KIF17: variants seen among roughly 807,000 people sequenced by gnomAD.
The protein encoded by KIF17 is kinesin family member 17.
A neutral mutation model predicts 96.8 loss-of-function variants in KIF17; 80 were observed. The observed-to-expected ratio is 0.83, with a 90% confidence interval of 0.69 to 1.00. The LOEUF is 1.00. KIF17 is among the 50% of genes least tolerant of loss of function. The pLI, the probability that KIF17 is intolerant of heterozygous loss-of-function variation, is 0.00. For missense variants in KIF17, 1,280 were observed against 1,372.9 expected (o/e 0.93, Z 1.07); for synonymous variants, 567 against 587.5 (o/e 0.97, Z 0.51).
At chr1:20,713,985 G>C (rs150656985) in intron 2 of KIF17, among the ~76,000 whole-genome samples, 2,090 of 152,152 alleles carry the variant, frequency 0.014, 48 homozygotes, top group African/African-American at 0.047. Flanking sequence ...TCAGGAGTTC[G>C]AGACCAGCCT....
At chr1:20,694,696 A>G (rs1418895173) in intron 6 of KIF17, among the ~76,000 whole-genome samples, 1 of 152,244 alleles carries the variant, frequency 6.6e-6, no homozygotes, top group Non-Finnish European at 1.5e-5. Flanking sequence ...AATAATTCAG[A>G]TGTAACCACG....
intron 4 of KIF17, among the ~76,000 whole-genome samples, chr1:20,705,325 G>A (rs1215644731): frequency 6.6e-6 from 1 of 152,168 alleles, no homozygotes; most frequent in Non-Finnish European, 1.5e-5. Flanking sequence ...CTGCTTTGGA[G>A]ACTCCCAGAC....
chr1:20,710,359 G>C (rs1255241154), intron 3 of KIF17, among the ~76,000 whole-genome samples: 1 of 152,094 alleles, frequency 6.6e-6, no homozygotes, highest in African/African-American at 2.4e-5. Context: ...AGAACAACAG[G>C]AATATCCCCA....
rs532285704 is a variant in KIF17 at position 20,700,381 on chromosome 1, C to A, written c.1124-1893G>T. ...CCACTGCGCCCGGCCAGGCTGTAGC[C>A]AGTTTTGAAGGTGGAGATGGCAGGA... On this transcript the variant is annotated intron_variant, in intron 5 of 14. Transcript: ENST00000400463. This position sits in a 1 kb window ranked among gnomAD's most constrained non-coding sequence, Gnocchi z 4.6. 2.0e-4 allele frequency among the ~76,000 whole-genome samples: 30 copies of A among 152,052 alleles called. No homozygotes were observed. The highest frequency in any genetic ancestry group is 4.1e-4 in the Non-Finnish European group (28 of 68,018).
intron 11 of KIF17, among the ~76,000 whole-genome samples, chr1:20,674,234 A>AT (rs1384169171): frequency 6.6e-6 from 1 of 151,504 alleles, no homozygotes; most frequent in East Asian, 1.9e-4. Flanking sequence ...CAGCACGATA[A>AT]TTTTTGTGAC....
Position 20,682,771 on chromosome 1 carries a change from A to C in KIF17, c.2345T>G (p.Val782Gly), listed in dbSNP as rs762986160. 3 of 1,613,036 alleles carry C rather than the reference A, an allele frequency of 1.9e-6. No individual in the cohort carries two copies. The highest frequency in any genetic ancestry group is 2.5e-6 in the Non-Finnish European group (3 of 1,180,028). The stretch of plus-strand genomic sequence containing the variant: ...CTCATCCGAGTTCTGCAGGGCAGCC[A>C]CCAGCTGCTTCCTGCGCTCGTCTGC... The part of the protein sequence containing the change: ...RYADERRKQL[V>G]AALQNSDEDS... The change falls in exon 11 of 15, where the codon GTG becomes GGG. Residue 782 changes from valine to glycine, a missense_variant. Coordinates refer to ENST00000400463, the MANE Select transcript of KIF17 (RefSeq NM_001122819.3).
At chr1:20,693,575 G>A (rs2154536460) in intron 6 of KIF17, 1 of 152,088 alleles carries the variant, frequency 6.6e-6, no homozygotes, top group East Asian at 1.9e-4. Context: ...CTCCACCTTG[G>A]GAAGACATGC....
intron 6 of KIF17, among the ~76,000 whole-genome samples, chr1:20,695,137 C>CAT (rs397712096): frequency 1.4e-5 from 2 of 147,992 alleles, no homozygotes; most frequent in East Asian, 2.0e-4. Flanking sequence ...CGCACACACA[C>CAT]GCACACACAC....
chr1:20,673,533 A>ATTTTTTT (rs35306944), intron 11 of KIF17, among the ~76,000 whole-genome samples: 1 of 134,788 alleles, frequency 7.4e-6, no homozygotes, highest in African/African-American at 2.8e-5. Context: ...AGCCTGCTCC[A>ATTTTTTT]TTTTTTTTTT....
rs931342523 is a variant in KIF17, at chr1:20,684,994, G to A, written c.2046C>T (p.Ala682=). ...RPEVDLASEV[A]LEVVRTAEPG... The stretch of plus-strand genomic sequence containing the variant: ...GCTCTGCTGTCCGCACCACCTCTAA[G>A]GCCACTTCCGAGGCCAGATCTACCT... The change falls in exon 10 of 15, where the codon GCC becomes GCT. Residue 682 remains alanine, a synonymous_variant. Coordinates refer to ENST00000400463, the MANE Select transcript of KIF17 (RefSeq NM_001122819.3). The A allele has an allele frequency of 6.2e-6, 10 of 1,602,236 alleles. No individual in the cohort carries two copies. The highest frequency in any genetic ancestry group is 8.5e-6 in the Non-Finnish European group (10 of 1,174,622).
Position 20,717,875 on chromosome 1 carries a change from G to A in KIF17, c.-169C>T. ...GACCCCTCGGGGGGCGCCCCGGAGG[G>A]GAGCTGGGCGTCGCAGGACCCGAGC... On this transcript the variant is annotated 5_prime_UTR_variant, in exon 1 of 15. Coordinates refer to ENST00000400463, the MANE Select transcript of KIF17 (RefSeq NM_001122819.3). 2.6e-6 allele frequency: 1 copy of A among 388,396 alleles called. No homozygotes were observed. The highest frequency in any genetic ancestry group is 3.8e-6 in the Non-Finnish European group (1 of 261,648). 24.1% of individuals were successfully genotyped at this position (388,396 alleles called of 1,614,324 possible).
At chr1:20,717,414 G>A in intron 1 of KIF17, 62 bp downstream of exon 1, 6 of 1,582,136 alleles carry the variant, frequency 3.8e-6, no homozygotes, top group Non-Finnish European at 5.2e-6. Context: ...GCAGCCCCCT[G>A]GGGACTCTCG....
chr1:20,680,477 C>T (rs990043413), intron 11 of KIF17, among the ~76,000 whole-genome samples: 2 of 151,322 alleles, frequency 1.3e-5, no homozygotes, highest in East Asian at 2.0e-4. Flanking sequence ...TTTGGAAGGC[C>T]GAGGCGGGAG....
intron 11 of KIF17, among the ~76,000 whole-genome samples, chr1:20,681,348 C>T (rs879651564): frequency 1.3e-5 from 2 of 151,448 alleles, no homozygotes; most frequent in Non-Finnish European, 2.9e-5. Context: ...GCCACCACGC[C>T]GGACTAATTT....
intron 2 of KIF17, among the ~76,000 whole-genome samples, chr1:20,714,345 C>T (rs1208888661): frequency 2.0e-5 from 3 of 151,430 alleles, no homozygotes; most frequent in African/African-American, 7.3e-5. Flanking sequence ...AAAAAATTAG[C>T]TGCGCATGGT....
At position 20,672,965 on chromosome 1, in the gene KIF17, CT is replaced by C. The variant is rs2053673754; in HGVS notation, c.2464-770del. 1 of 152,996 alleles carries C rather than the reference CT, an allele frequency of 6.5e-6. No individual in the cohort carries two copies. Among genetic ancestry groups the C allele is most frequent in the South Asian group, 2.1e-4 (1 of 4,844 alleles). The allele number at this position is 152,996 out of a possible 1,614,324, so 9.5% of individuals were successfully genotyped here. On this transcript the variant is annotated intron_variant, in intron 11 of 14. Coordinates refer to ENST00000400463, the MANE Select transcript of KIF17 (RefSeq NM_001122819.3). The surrounding 1 kb of genome is among the most constrained non-coding windows in gnomAD (Gnocchi z 4.3). ...TGAGGCAGGGCGTGGTGGCTCACAC[CT>C]GTAATCCCAGCACTTTGGAAGGCCG...
Position 20,690,292 on chromosome 1 carries a change from G to C in KIF17, c.1277C>G (p.Ala426Gly). Reference protein sequence around the residue: ...RLARLKADYKAEQESRARLEE... With the variant: ...RLARLKADYKGEQESRARLEE... ...CAGCCTGGCCCGAGACTCCTGCTCG[G>C]CCTTATAGTCGGCTTTCAGCCGGGC... Residue 426 changes from alanine (A) to glycine (G), a missense_variant, in exon 7 of 15, where the codon GCC becomes GGC. By Grantham distance (60) the Ala-to-Gly change is moderately conservative. Coordinates refer to ENST00000400463, the MANE Select transcript of KIF17 (RefSeq NM_001122819.3). 3 of 1,373,820 alleles carry C rather than the reference G, an allele frequency of 2.2e-6. No individual in the cohort carries two copies. Among genetic ancestry groups the C allele is most frequent in the Non-Finnish European group, 2.9e-6 (3 of 1,037,450 alleles). 85.1% of individuals were successfully genotyped at this position (1,373,820 alleles called of 1,614,324 possible).
chr1:20,691,624 ATTTTTTTTT>A (rs72410884), intron 6 of KIF17, among the ~76,000 whole-genome samples: 2 of 122,990 alleles, frequency 1.6e-5, no homozygotes, highest in Non-Finnish European at 3.3e-5. Flanking sequence ...ACGTCTGGCT[ATTTTTTTTT>A]TTTTTTTTTT....
At chr1:20,696,615 C>T (rs1238064092) in intron 6 of KIF17, among the ~76,000 whole-genome samples, 1 of 152,068 alleles carries the variant, frequency 6.6e-6, no homozygotes, top group Non-Finnish European at 1.5e-5. Context: ...GGAGGCAGTG[C>T]CCTACTTACT....
Sources: gnomAD v4.1 joint callset for allele counts (sites outside exome capture counted in the v4.1 genomes callset) on GRCh38, gnomAD v4.1.1 for gene constraint, Gnocchi (gnomAD v3.1) non-coding constraint, MANE v1.5 for transcripts, NCBI Gene and HGNC (gene_info 2026-07-23, HGNC 2026-07-21) for gene names.